Variants in ZBBX observed in about 807,000 individuals in gnomAD.
The protein encoded by ZBBX is zinc finger B-box domain-containing protein 1.
In ZBBX, 101 loss-of-function variants were observed where a neutral mutation model predicts 108.5. The ratio of observed to expected loss-of-function variants is 0.93; its 90% CI spans 0.79 to 1.10. The LOEUF (loss-of-function observed/expected upper bound fraction) is 1.10. ZBBX is among the 50% of genes least tolerant of loss of function. The pLI, the probability that ZBBX is intolerant of heterozygous loss-of-function variation, is 0.00. For missense variants in ZBBX, 1,009 were observed against 941.4 expected (o/e 1.07, Z -0.94); for synonymous variants, 356 against 323.4 (o/e 1.10, Z -1.08).
intron 17 of ZBBX, among the ~76,000 whole-genome samples, chr3:167,304,264 C>A (rs1463746528): frequency 6.6e-6 from 1 of 152,154 alleles, no homozygotes; most frequent in Non-Finnish European, 1.5e-5. Context: ...AGGCTTACTG[C>A]CCAGTGTAAA....
At chr3:167,331,393 G>A (rs1738609108) in intron 10 of ZBBX, among the ~76,000 whole-genome samples, 1 of 152,150 alleles carries the variant, frequency 6.6e-6, no homozygotes, top group African/African-American at 2.4e-5. Flanking sequence ...CAATATGTCA[G>A]TGTATGTATG....
chr3:167,352,170 T>C (rs1209806382), intron 8 of ZBBX, among the ~76,000 whole-genome samples: 1 of 151,474 alleles, frequency 6.6e-6, no homozygotes, highest in Non-Finnish European at 1.5e-5. Context: ...AAAATTGAGC[T>C]AAAAAATGTA....
chr3:167,394,411 A>C (rs1015332794), intron 1 of ZBBX, among the ~76,000 whole-genome samples: 1 of 152,010 alleles, frequency 6.6e-6, no homozygotes. Flanking sequence ...CCACATGCAT[A>C]TGGACACAAT....
Position 167,262,805 on chromosome 3 carries a change from T to C in ZBBX, c.2254+19433A>G, listed in dbSNP as rs187216531. On this transcript the variant is annotated intron_variant, in intron 20 of 21. Coordinates refer to ENST00000675490, the MANE Select transcript of ZBBX (RefSeq NM_001199201.2). ...CTCTGAATTTCTGAAGTATCAGTTG[T>C]AATGTCTTCTTTTTCATCACTGATT... Among the ~76,000 whole-genome samples, 743 of 152,300 alleles carry C rather than the reference T, an allele frequency of 4.9e-3. 4 individuals are homozygous for C. The highest frequency in any genetic ancestry group is 0.017 in the African/African-American group (722 of 41,580).
At chr3:167,285,031 A>C (rs886529960) in intron 19 of ZBBX, among the ~76,000 whole-genome samples, 2 of 152,108 alleles carry the variant, frequency 1.3e-5, no homozygotes, top group Non-Finnish European at 2.9e-5. Context: ...AACATGCGCC[A>C]TCACTGTCAA....
chr3:167,254,623 C>G (rs377056973), intron 20 of ZBBX, among the ~76,000 whole-genome samples: 1 of 151,828 alleles, frequency 6.6e-6, no homozygotes, highest in East Asian at 1.9e-4. Flanking sequence ...TTTAAAGAGA[C>G]GCCAACATAA....
upstream of ZBBX, among the ~76,000 whole-genome samples, chr3:167,380,588 C>T (rs1286582724): frequency 6.6e-6 from 1 of 151,988 alleles, no homozygotes; most frequent in African/African-American, 2.4e-5. Context: ...TCATAGCAAG[C>T]CAGCTTAAAT....
At chr3:167,348,218 C>CAAGGGAGGGAGGGAGGAGGGAAGG (rs1741842330) in intron 9 of ZBBX, among the ~76,000 whole-genome samples, 1 of 21,016 alleles carries the variant, frequency 4.8e-5, no homozygotes. Context: ...AGGAAGGAAG[C>CAAGGGAGGGAGGGAGGAGGGAAGG]AAGGGAGGGA....
chr3:167,213,891 G>GA, the ZBBX span, among the ~76,000 whole-genome samples: 1,607 of 149,442 alleles, frequency 0.011, 36 homozygotes, highest in African/African-American at 0.035. Flanking sequence ...TATTCTTAAA[G>GA]AAAAAAAAAA....
At chr3:167,188,939 A>G in the ZBBX span, among the ~76,000 whole-genome samples, 2 of 152,202 alleles carry the variant, frequency 1.3e-5, no homozygotes, top group African/African-American at 4.8e-5. Context: ...AAGACACAGT[A>G]AGAATCTTCT....
intron 8 of ZBBX, among the ~76,000 whole-genome samples, chr3:167,355,949 C>T (rs1364135052): frequency 6.6e-6 from 1 of 152,032 alleles, no homozygotes; most frequent in Non-Finnish European, 1.5e-5. Context: ...GCACCTGCTG[C>T]TTATCTTGTC....
At chr3:167,222,695 T>A in the ZBBX span, among the ~76,000 whole-genome samples, 1 of 152,008 alleles carries the variant, frequency 6.6e-6, no homozygotes, top group East Asian at 1.9e-4. Context: ...TATATACACC[T>A]ACTACATAAC....
intron 8 of ZBBX, among the ~76,000 whole-genome samples, chr3:167,351,942 T>C (rs2108502954): frequency 6.6e-6 from 1 of 152,254 alleles, no homozygotes; most frequent in South Asian, 2.1e-4. Flanking sequence ...TCCTGGTTGC[T>C]GGCCCACAAC....
At chr3:167,313,509 C>G (rs1480850372) in intron 16 of ZBBX, among the ~76,000 whole-genome samples, 1 of 151,938 alleles carries the variant, frequency 6.6e-6, no homozygotes, top group African/African-American at 2.4e-5. Context: ...TCTCAAACTC[C>G]TGACTTCAGG....
chr3:167,279,904 A>G (rs534291262), intron 20 of ZBBX, among the ~76,000 whole-genome samples: 4 of 152,204 alleles, frequency 2.6e-5, no homozygotes, highest in African/African-American at 9.6e-5. Context: ...ACAGAGATAT[A>G]TATCAATGGA....
At chr3:167,190,347 A>G in the ZBBX span, among the ~76,000 whole-genome samples, 2 of 151,782 alleles carry the variant, frequency 1.3e-5, no homozygotes, top group African/African-American at 4.8e-5. Context: ...AAAATACATA[A>G]CATTTCTCTT....
intron 20 of ZBBX, among the ~76,000 whole-genome samples, chr3:167,248,012 G>A (rs1020590436): frequency 7.2e-5 from 11 of 152,266 alleles, no homozygotes; most frequent in South Asian, 2.1e-4. Flanking sequence ...TTTTGCTACA[G>A]GCTATGGCAA....
chr3:167,368,641 C>T (rs532258206), intron 4 of ZBBX, 67 bp from the exon 5 acceptor site: 1 of 1,381,746 alleles, frequency 7.2e-7, no homozygotes, highest in East Asian at 2.7e-5. Flanking sequence ...TTTATATAAT[C>T]TTTTCCTGTT....
intron 20 of ZBBX, among the ~76,000 whole-genome samples, chr3:167,251,226 C>A (rs751468902): frequency 2.2e-4 from 33 of 152,200 alleles, no homozygotes; most frequent in Admixed American, 1.2e-3. Flanking sequence ...TAAAACTTTG[C>A]ACTCATTCTC....
Sources: allele counts gnomAD v4.1 joint callset (sites outside exome capture counted in the v4.1 genomes callset), GRCh38; gene constraint gnomAD v4.1.1; transcripts MANE v1.5; gene names NCBI Gene and HGNC (gene_info 2026-07-23, HGNC 2026-07-21).